The following TAF6 variants were observed in gnomAD, a reference collection of about 807,000 sequenced individuals.
The protein encoded by TAF6 is TATA-box binding protein associated factor 6.
TAF6 carries 50 observed loss-of-function variants against 73.5 expected under a neutral mutation model. The observed-to-expected ratio is 0.68, with a 90% CI of 0.54 to 0.86. TAF6 has a LOEUF of 0.86. Ranked by LOEUF, TAF6 falls within the 40% of genes least tolerant of loss-of-function variation. The pLI is 0.00. For synonymous variants in TAF6, 424 were observed against 376.7 expected (o/e 1.13, Z -1.45); for missense variants, 768 against 899.5 (o/e 0.85, Z 1.87).
In TAF6 at chr7:100,111,161, C is replaced by A; in HGVS notation, c.1061G>T (p.Arg354Leu). 1 of 1,613,920 alleles carries A rather than the reference C, an allele frequency of 6.2e-7. No homozygotes were observed. The highest frequency in any genetic ancestry group is 8.5e-7 in the Non-Finnish European group (1 of 1,179,926). The part of the protein sequence containing the change: ...FSTTTNNIQS[R>L]ITKTFTKSWV... ...CACCTTGGTGAAGGTCTTGGTGATC[C>A]GGGACTGGATGTTGTTAGTGGTTGT... Residue 354 changes from arginine (R) to leucine (L), a missense_variant, in exon 10 of 15, where the codon CGG becomes CTG. Arg to Leu is a moderately radical substitution (Grantham distance 102). Transcript: ENST00000453269.
At chr7:100,119,993 G>C (rs1396249950), upstream of TAF6, 13 of 758,424 alleles carry the variant, frequency 1.7e-5, no homozygotes, top group Non-Finnish European at 2.6e-5. Flanking sequence ...GGTGGAGCTT[G>C]GCTGAATTTG....
rs377274076 is a variant in TAF6, at chr7:100,111,720, T to C, written c.900+8A>G. On this transcript the variant is annotated splice_region_variant and intron_variant, in intron 9 of 14. Transcript: ENST00000453269. Reference sequence around the variant, plus strand: ...TCCCTGGAAGGGAGGATGGGCAGGATCACTCACGTATTTTTCTAGATAGAG... The same window carrying C: ...TCCCTGGAAGGGAGGATGGGCAGGACCACTCACGTATTTTTCTAGATAGAG... The C allele has an allele frequency of 5.6e-6, 9 of 1,613,796 alleles. No individual in the cohort carries two copies. The African/African-American group carries it at 6.7e-5, about 12-fold the overall frequency.
chr7:100,120,036 C>G (rs1194056749), upstream of TAF6: 1 of 528,148 alleles, frequency 1.9e-6, no homozygotes, highest in Non-Finnish European at 3.2e-6. Context: ...TGTAGTGCCA[C>G]CTCAAACTGC....
chr7:100,122,785 G>A, upstream of TAF6: 1 of 1,612,998 alleles, frequency 6.2e-7, no homozygotes, highest in Non-Finnish European at 8.5e-7. Context: ...ATCTCTCAGG[G>A]TCAGAGTCAG....
At position 100,107,249 on chromosome 7, in the gene TAF6, C is replaced by T. The variant is rs771230753; in HGVS notation, c.2031G>A (p.Pro677=). The change falls in exon 15 of 15, where the codon CCG becomes CCA. Residue 677 remains proline, a synonymous_variant. Transcript: ENST00000453269. ...QPNSGSPQPA[P] ...CCGGGGGCTGGCAGGTGGAGCATCA[C>T]GGAGCAGGCTGAGGGGAGCCGGAGT... The T allele has an allele frequency of 1.9e-4, 294 of 1,522,734 alleles. No individual in the cohort carries two copies. Among genetic ancestry groups the T allele is most frequent in the Non-Finnish European group, 2.4e-4 (269 of 1,138,660 alleles). 94.3% of individuals were successfully genotyped at this position (1,522,734 alleles called of 1,614,324 possible).
chr7:100,112,054 A>G (rs1222757653), intron 7 of TAF6, 54 bp downstream of exon 7: 1 of 1,613,566 alleles, frequency 6.2e-7, no homozygotes, highest in African/African-American at 1.3e-5. Flanking sequence ...AGCAATTCAT[A>G]GGGCCCCCAG....
In TAF6 at chr7:100,113,039, T is replaced by C. The variant is rs1584556073; in HGVS notation, c.455-122A>G. 15 of 1,378,434 alleles carry C rather than the reference T, an allele frequency of 1.1e-5. No homozygotes were observed. In the South Asian group the frequency reaches 1.6e-4, roughly 15 times the overall value. 85.4% of individuals were successfully genotyped at this position (1,378,434 alleles called of 1,614,324 possible). On this transcript the variant is annotated intron_variant, in intron 5 of 14. Coordinates refer to ENST00000453269, the MANE Select transcript of TAF6 (RefSeq NM_139315.3). ...CAGCACTTTGGGAGGCCAAGGCGGG[T>C]GGATCACCTCAGGTCAGAAGTTCGA...
At chr7:100,121,808 T>G (rs963941784), upstream of TAF6, among the ~76,000 whole-genome samples, 6 of 150,230 alleles carry the variant, frequency 4.0e-5, no homozygotes, top group African/African-American at 7.3e-5. Flanking sequence ...CCCAGTACTT[T>G]GGGAGGCCAA....
rs770810912 is a variant in TAF6, at chr7:100,110,148, A to G, written c.1158+52T>C. The G allele has an allele frequency of 2.2e-5, 35 of 1,613,978 alleles. No individual in the cohort carries two copies. The South Asian group carries it at 3.6e-4, about 17-fold the overall frequency. On this transcript the variant is annotated intron_variant, in intron 11 of 14. Transcript: ENST00000453269. Reference sequence around the variant, plus strand: ...CCCAGATGGGGGTACAGTGCCCTCTATAACCTCATGACTGTGTCCCCTCCC... The same window carrying G: ...CCCAGATGGGGGTACAGTGCCCTCTGTAACCTCATGACTGTGTCCCCTCCC...
intron 1 of TAF6, among the ~76,000 whole-genome samples, chr7:100,117,973 G>T (rs1584575062): frequency 6.6e-6 from 1 of 151,486 alleles, no homozygotes; most frequent in African/African-American, 2.4e-5. Context: ...GTGAGCCCGG[G>T]AGGCGGAGCT....
intron 12 of TAF6, chr7:100,108,879 C>A (rs866850766): frequency 2.5e-5 from 5 of 196,776 alleles, no homozygotes; most frequent in African/African-American, 9.4e-5. Context: ...CAAAAACTAG[C>A]CAGGCATGGT....
At chr7:100,123,031 G>A, upstream of TAF6, 1 of 1,084,332 alleles carries the variant, frequency 9.2e-7, no homozygotes, top group Non-Finnish European at 1.3e-6. Flanking sequence ...AGTGAGGACT[G>A]TGCCATTGAT....
At position 100,111,001 on chromosome 7, in the gene TAF6, TACAG is replaced by T. The variant is rs554569395; in HGVS notation, c.1083+134_1083+137del. The T allele has an allele frequency of 9.8e-5, 91 of 931,742 alleles. No individual in the cohort carries two copies. In the South Asian group the frequency reaches 1.4e-3, roughly 14 times the overall value. 57.7% of individuals were successfully genotyped at this position (931,742 alleles called of 1,614,324 possible). The stretch of plus-strand genomic sequence containing the variant: ...TCTCAAAAAAAAAAAAAAAAGGTAT[TACAG>T]ACAAGCCTCAAGACCCTTAGACCCC... On this transcript the variant is annotated intron_variant, in intron 10 of 14. Transcript: ENST00000453269.
Position 100,112,264 on chromosome 7 carries a change from G to A in TAF6, c.575-11C>T. Reference sequence around the variant, plus strand: ...CCTTCTTCTCTTTCCCTGTGTGATTGGAAAGGTGGGTCTGACAAAGAAAGC... The same window carrying A: ...CCTTCTTCTCTTTCCCTGTGTGATTAGAAAGGTGGGTCTGACAAAGAAAGC... On this transcript the variant is annotated splice_polypyrimidine_tract_variant and intron_variant, in intron 6 of 14. Transcript: ENST00000453269. The A allele has an allele frequency of 6.2e-7, 1 of 1,609,194 alleles. No individual in the cohort carries two copies. Among genetic ancestry groups the A allele is most frequent in the Non-Finnish European group, 8.5e-7 (1 of 1,178,024 alleles).
chr7:100,107,537 G>T lies in TAF6; in HGVS notation c.1743C>A (p.Ile581=). The change falls in exon 15 of 15, where the codon ATC becomes ATA. Residue 581 remains isoleucine, a synonymous_variant. Transcript: ENST00000453269. ...TGGTGGCGGTGGAGACCAACTTGAC[G>T]ATGGGCTGCACGCTGGGGACGGTGG... ...VTTTVPSVQP[I]VKLVSTATTA... 1.2e-6 allele frequency: 2 copies of T among 1,614,116 alleles called. No individual in the cohort carries two copies. The highest frequency in any genetic ancestry group is 1.1e-5 in the South Asian group (1 of 91,076).
chr7:100,107,468 C>T lies in TAF6; in HGVS notation c.1812G>A (p.Gln604=). The change falls in exon 15 of 15, where the codon CAG becomes CAA. Residue 604 remains glutamine, a synonymous_variant. Coordinates refer to ENST00000453269, the MANE Select transcript of TAF6 (RefSeq NM_139315.3). ...GGGGAAGTGAGACCACGATGTACTTCTGGACACTCCCAGGACCAGAGGGAG... is the reference window on the plus strand; with the variant it reads ...GGGGAAGTGAGACCACGATGTACTTTTGGACACTCCCAGGACCAGAGGGAG... The part of the protein sequence containing the change: ...STAPSGPGSV[Q]KYIVVSLPPT... 1 of 1,613,872 alleles carries T rather than the reference C, an allele frequency of 6.2e-7. No homozygotes were observed. Among genetic ancestry groups the T allele is most frequent in the Non-Finnish European group, 8.5e-7 (1 of 1,179,848 alleles).
chr7:100,114,464 CCCA>C (rs1797510876), intron 1 of TAF6, 196 bp from the exon 2 acceptor site: 1 of 631,690 alleles, frequency 1.6e-6, no homozygotes. Context: ...CGCCTGTAAT[CCCA>C]CCAGCACTTT....
At chr7:100,115,574 A>G (rs1797603882) in intron 1 of TAF6, 3 of 151,900 alleles carry the variant, frequency 2.0e-5, no homozygotes, top group Admixed American at 2.0e-4. Context: ...AGGCAGGAGA[A>G]TCACTTGAGC....
At chr7:100,114,468 C>T in intron 1 of TAF6, 200 bp from the exon 2 acceptor site, 1 of 630,306 alleles carries the variant, frequency 1.6e-6, no homozygotes, top group East Asian at 2.7e-5. Flanking sequence ...TGTAATCCCA[C>T]CAGCACTTTG....
Sources: allele counts gnomAD v4.1 joint callset (sites outside exome capture counted in the v4.1 genomes callset), GRCh38; gene constraint gnomAD v4.1.1; transcripts MANE v1.5; gene names NCBI Gene and HGNC (gene_info 2026-07-23, HGNC 2026-07-21).